The following DCAF4 variants were observed in gnomAD, a reference collection of about 807,000 sequenced individuals.
The protein encoded by DCAF4 is DDB1- and CUL4-associated factor 4.
Under a neutral mutation model 60.9 loss-of-function variants are expected in DCAF4, and 37 were observed. The ratio of observed to expected loss-of-function variants is 0.61; its 90% CI spans 0.47 to 0.80. DCAF4 has a LOEUF of 0.80. DCAF4 is among the 30% of genes least tolerant of loss of function. The probability of loss-of-function intolerance (pLI) is 0.00; values close to 1 mark genes in which losing one functional copy is unlikely to be tolerated. For missense variants in DCAF4, 577 were observed against 650.0 expected, an observed-to-expected ratio of 0.89 and a Z score of 1.22; for synonymous variants, 243 against 254.8, an observed-to-expected ratio of 0.95 and a Z score of 0.44.
intron 8 of DCAF4, 59 bp from the exon 9 acceptor site, chr14:72,951,739 T>G: frequency 1.3e-6 from 2 of 1,548,702 alleles, no homozygotes; most frequent in South Asian, 1.1e-5. Context: ...AGGGTAAATG[T>G]CCATGCCTCC....
At chr14:72,961,897 G>T, downstream of DCAF4, 1 of 1,134,394 alleles carries the variant, frequency 8.8e-7, no homozygotes, top group Non-Finnish European at 1.1e-6. Flanking sequence ...TGTCAAACTG[G>T]TCAGTGGGTT....
chr14:72,956,360 G>A (rs776795736), intron 12 of DCAF4, 26 bp from the exon 13 acceptor site: 1 of 1,566,002 alleles, frequency 6.4e-7, no homozygotes, highest in Admixed American at 1.8e-5. Context: ...GCCCCTCCCT[G>A]ATGGCCCCTG....
chr14:72,958,463 T>A, intron 13 of DCAF4, 149 bp from the exon 14 acceptor site: 1 of 904,886 alleles, frequency 1.1e-6, no homozygotes, highest in Non-Finnish European at 1.7e-6. Context: ...ACTTGGGTTA[T>A]CCGTAGAAAT....
At chr14:72,949,497 A>G (rs1205872489) in intron 8 of DCAF4, among the ~76,000 whole-genome samples, 2 of 152,000 alleles carry the variant, frequency 1.3e-5, no homozygotes, top group Admixed American at 6.6e-5. Context: ...GCTCATTCCC[A>G]TAATCCCAGC....
chr14:72,937,730 G>A (rs4903078), intron 1 of DCAF4, among the ~76,000 whole-genome samples: 29,233 of 152,010 alleles, frequency 0.19, 3,614 homozygotes, highest in East Asian at 0.43. Context: ...ACCTGGCAAC[G>A]TTTCTGTGGG....
chr14:72,928,585 T>TTTTATATATATATATATATATATATATA (rs1283241933), intron 1 of DCAF4, among the ~76,000 whole-genome samples: 1 of 15,938 alleles, frequency 6.3e-5, no homozygotes, highest in African/African-American at 9.4e-5. Context: ...TAAACATCCT[T>TTTTATATATATATATATATATATATATA]TATATATATA....
chr14:72,953,779 TA>T (rs1891871752), intron 9 of DCAF4, among the ~76,000 whole-genome samples: 5 of 24,638 alleles, frequency 2.0e-4, no homozygotes, highest in African/African-American at 3.3e-4. Context: ...TTTATTTATT[TA>T]TTTGTGTGTG....
intron 11 of DCAF4, 133 bp downstream of exon 11, chr14:72,954,616 G>A: frequency 1.2e-6 from 1 of 858,230 alleles, no homozygotes; most frequent in Non-Finnish European, 1.8e-6. Flanking sequence ...AAGGATCAGT[G>A]GGTTCCTTTG....
chr14:72,951,387 G>A (rs137901416), intron 8 of DCAF4, among the ~76,000 whole-genome samples: 12,421 of 152,146 alleles, frequency 0.082, 647 homozygotes, highest in East Asian at 0.19. Context: ...CGAGGCGGGC[G>A]GATCACGTGA....
At chr14:72,945,020 C>T (rs1418868984) in intron 6 of DCAF4, among the ~76,000 whole-genome samples, 1 of 151,852 alleles carries the variant, frequency 6.6e-6, no homozygotes, top group Non-Finnish European at 1.5e-5. Context: ...ACCTGGGAGT[C>T]GGAGATTTCA....
At chr14:72,954,047 G>A in intron 9 of DCAF4, 117 bp from the exon 10 acceptor site, 2 of 1,088,334 alleles carry the variant, frequency 1.8e-6, no homozygotes, top group South Asian at 2.9e-5. Context: ...CCAGAATGGG[G>A]CCAAAGGTAT....
intron 4 of DCAF4, 30 bp downstream of exon 4, chr14:72,940,407 C>T (rs772330861): frequency 6.3e-7 from 1 of 1,581,926 alleles, no homozygotes; most frequent in East Asian, 2.2e-5. Context: ...GCCCCCTGTC[C>T]TCTCCGCTCC....
intron 1 of DCAF4, among the ~76,000 whole-genome samples, chr14:72,937,320 AG>A (rs1567300850): frequency 6.6e-6 from 1 of 152,134 alleles, no homozygotes; most frequent in Non-Finnish European, 1.5e-5. Flanking sequence ...CTGTTGTCCA[AG>A]ACAAGGAAGA....
intron 8 of DCAF4, among the ~76,000 whole-genome samples, chr14:72,951,472 G>A (rs563064194): frequency 9.0e-4 from 137 of 152,192 alleles, no homozygotes; most frequent in African/African-American, 2.9e-3. Context: ...TTACCCGGGC[G>A]TGGTGGCACA....
intron 11 of DCAF4, among the ~76,000 whole-genome samples, chr14:72,955,251 G>C (rs1456264246): frequency 6.6e-6 from 1 of 152,060 alleles, no homozygotes; most frequent in Non-Finnish European, 1.5e-5. Flanking sequence ...CAGAGAGAAA[G>C]GCCAAACGGG....
At chr14:72,949,173 G>C (rs536124624) in intron 8 of DCAF4, among the ~76,000 whole-genome samples, 1 of 152,196 alleles carries the variant, frequency 6.6e-6, no homozygotes, top group East Asian at 1.9e-4. Context: ...ACCTGGCCAG[G>C]CATGGTGGCT....
chr14:72,939,550 CGAGT>C (rs560088826), intron 2 of DCAF4, among the ~76,000 whole-genome samples: 279 of 152,156 alleles, frequency 1.8e-3, no homozygotes, highest in Middle Eastern at 3.4e-3. Flanking sequence ...ACAAAATGCG[CGAGT>C]GAGAAGATAA....
chr14:72,942,661 G>C, intron 5 of DCAF4: 1 of 234,458 alleles, frequency 4.3e-6, no homozygotes, highest in South Asian at 8.0e-5. Context: ...CAGCAGCGGA[G>C]TGCCCTCCAG....
chr14:72,952,116 C>G (rs1035628034), intron 9 of DCAF4, among the ~76,000 whole-genome samples: 10 of 152,156 alleles, frequency 6.6e-5, no homozygotes, highest in South Asian at 4.1e-4. Context: ...TGTAAACCAG[C>G]GTGAGCTCAG....
Sources: allele counts gnomAD v4.1 joint callset (sites outside exome capture counted in the v4.1 genomes callset), GRCh38; gene constraint gnomAD v4.1.1; transcripts MANE v1.5; gene names NCBI Gene and HGNC (gene_info 2026-07-23, HGNC 2026-07-21).